Variants in IFT172 observed in about 807,000 individuals in gnomAD.
The protein encoded by IFT172 is intraflagellar transport 172.
In IFT172, 164 loss-of-function variants were observed where a neutral mutation model predicts 248.9. The observed-to-expected ratio is 0.66, with a 90% CI of 0.58 to 0.75. The LOEUF (loss-of-function observed/expected upper bound fraction) is 0.75, where lower values mean the gene tolerates loss of function less well. IFT172 is among the 30% of genes least tolerant of loss of function. IFT172 has a pLI of 0.00. For synonymous variants in IFT172, 729 were observed against 791.6 expected (o/e 0.92, Z 1.33); for missense variants, 1,950 against 2,192.4 (o/e 0.89, Z 2.21).
intron 35 of IFT172, among the ~76,000 whole-genome samples, chr2:27,452,670 A>G (rs1361507091): frequency 2.0e-5 from 3 of 152,226 alleles, no homozygotes; most frequent in East Asian, 1.9e-4. Flanking sequence ...ATAGGCAACC[A>G]TAACACAATG....
At chr2:27,464,566 G>A (rs543904874) in intron 18 of IFT172, among the ~76,000 whole-genome samples, 1 of 151,834 alleles carries the variant, frequency 6.6e-6, no homozygotes, top group Admixed American at 6.6e-5. Flanking sequence ...ATGCTAAAGG[G>A]AACCTAGTTA....
At position 27,453,684 on chromosome 2, in the gene IFT172, T is replaced by C. The variant is rs765703265; in HGVS notation, c.3767A>G (p.Gln1256Arg). Residue 1256 changes from glutamine (Q) to arginine (R), a missense_variant, in exon 34 of 48, where the codon CAG (glutamine) becomes CGG (arginine). Physicochemically the swap from Gln to Arg is conservative, Grantham distance 43. Coordinates refer to ENST00000260570, the MANE Select transcript of IFT172 (RefSeq NM_015662.3). ...ATATTCTTCCTGCAGAGCCTCCAGC[T>C]GGCTGGGCACATAGTCCTTGCAGAT... ...LRICKDYVPS[Q>R]LEALQEEYER... is the part of the protein sequence containing the mutation. The C allele has an allele frequency of 1.6e-5, 25 of 1,612,396 alleles. No homozygotes were observed. Among genetic ancestry groups the C allele is most frequent in the Middle Eastern group, 1.6e-4 (1 of 6,070 alleles).
chr2:27,478,215 A>G, intron 10 of IFT172, 59 bp from the exon 11 acceptor site: 1 of 1,604,202 alleles, frequency 6.2e-7, no homozygotes, highest in Non-Finnish European at 8.5e-7. Context: ...AAGGGTGAAC[A>G]ACCATGACCT....
chr2:27,483,559 A>T, intron 6 of IFT172, 21 bp downstream of exon 6: 1 of 1,611,236 alleles, frequency 6.2e-7, no homozygotes, highest in Non-Finnish European at 8.5e-7. Flanking sequence ...GACTCTAGTG[A>T]TACTACTCCT....
chr2:27,468,230 T>C (rs867999399), intron 16 of IFT172, among the ~76,000 whole-genome samples: 7 of 151,448 alleles, frequency 4.6e-5, no homozygotes, highest in African/African-American at 1.5e-4. Context: ...AAAGAGAAGA[T>C]TTTTTTGTTT....
chr2:27,465,211 C>A (rs930484432), intron 18 of IFT172, 200 bp downstream of exon 18: 5 of 587,840 alleles, frequency 8.5e-6, no homozygotes, highest in African/African-American at 7.5e-5. Context: ...TCAGCCATCA[C>A]GCCTGGTCAA....
intron 25 of IFT172, 29 bp downstream of exon 25, chr2:27,459,349 T>C (rs745760825): frequency 6.2e-6 from 10 of 1,612,600 alleles, no homozygotes; most frequent in Non-Finnish European, 8.5e-6. Flanking sequence ...CTGCATTGCC[T>C]CGTGCTGCGG....
chr2:27,449,895 G>GC (rs1165584858), intron 36 of IFT172, 95 bp from the exon 37 acceptor site: 2 of 1,392,806 alleles, frequency 1.4e-6, no homozygotes, highest in African/African-American at 2.8e-5. Flanking sequence ...TGCAAGCCAT[G>GC]CCCACCAGGA....
Position 27,454,214 on chromosome 2 carries a change from A to G in IFT172, c.3531-52T>C, listed in dbSNP as rs772821905. 2.6e-5 allele frequency: 41 copies of G among 1,600,852 alleles called. 1 individual carries two copies. The highest frequency in any genetic ancestry group is 1.2e-4 in the South Asian group (11 of 90,164). On this transcript the variant is annotated intron_variant, in intron 32 of 47. Coordinates refer to ENST00000260570, the MANE Select transcript of IFT172 (RefSeq NM_015662.3). The surrounding 1 kb of genome is among the most constrained non-coding windows in gnomAD (Gnocchi z 4.2). ...GACTGAGTATAGGACTGAGGCCCCA[A>G]TAGTGGGAGACAAACAGCCATGTCA...
chr2:27,483,809 T>A, intron 5 of IFT172, 63 bp downstream of exon 5: 1 of 1,473,244 alleles, frequency 6.8e-7, no homozygotes, highest in South Asian at 1.1e-5. Flanking sequence ...ATGAACCATA[T>A]TCCTCTCTCC....
rs568736482 is a variant in IFT172 at position 27,479,528 on chromosome 2, G to A, written c.986C>T (p.Thr329Met). 128 of 1,609,474 alleles carry A rather than the reference G, an allele frequency of 8.0e-5. 1 individual carries two copies. In the Middle Eastern group the frequency reaches 1.2e-3, roughly 15 times the overall value. The change falls in exon 10 of 48, where the codon ACG becomes ATG. Residue 329 changes from threonine (T) to methionine (M), a missense_variant. Coordinates refer to ENST00000260570, the MANE Select transcript of IFT172 (RefSeq NM_015662.3). ...GCTTACCTGGCTAGGTCCCACATAC[G>A]TCAACTCAAACTTGTTCTTGTAAAT... ...RSIYKNKFEL[T>M]YVGPSQVIVK... is the part of the protein sequence containing the mutation.
intron 6 of IFT172, 76 bp downstream of exon 6, chr2:27,483,504 G>A (rs1558415154): frequency 4.0e-6 from 6 of 1,508,132 alleles, no homozygotes; most frequent in South Asian, 2.3e-5. Flanking sequence ...TCATACTATG[G>A]TCTTGCAGTC....
chr2:27,472,341 T>A lies in IFT172; in HGVS notation c.1433A>T (p.Asn478Ile), dbSNP rs143491198. ...GCTCTCATGGCTGACGGTGCCAATGTTGTAGCCACCAATCAGATCCACTAT... is the reference window on the plus strand; with the variant it reads ...GCTCTCATGGCTGACGGTGCCAATGATGTAGCCACCAATCAGATCCACTAT... ...IAIVDLIGGY[N>I]IGTVSHESRV... The change falls in exon 15 of 48, where the codon AAC (asparagine) becomes ATC (isoleucine). Residue 478 changes from asparagine to isoleucine, a missense_variant. Around this residue, in one of 3 missense-constraint regions of IFT172, gnomAD observed 1,166 missense variants for 1,254.1 expected, o/e 0.93. Transcript: ENST00000260570. 2,517 of 1,614,050 alleles carry A rather than the reference T, an allele frequency of 1.6e-3. 17 individuals are homozygous for A. The highest frequency in any genetic ancestry group is 0.012 in the South Asian group (1,085 of 91,068).
rs943314515 is a variant in IFT172 at position 27,465,598 on chromosome 2, G to C, written c.1830-80C>G. Reference sequence around the variant, plus strand: ...AGCAGAAGACTGGTGATGGGGCAAGGGGAGGGGGAAGGGCCATCTTTGTCT... The same window carrying C: ...AGCAGAAGACTGGTGATGGGGCAAGCGGAGGGGGAAGGGCCATCTTTGTCT... On this transcript the variant is annotated intron_variant, in intron 17 of 47. Transcript: ENST00000260570. 4 of 1,542,878 alleles carry C rather than the reference G, an allele frequency of 2.6e-6. No individual in the cohort carries two copies. In the African/African-American group the frequency reaches 5.5e-5, roughly 21 times the overall value.
At position 27,444,481 on chromosome 2, in the gene IFT172, A is replaced by G. The variant is rs1664850707; in HGVS notation, c.5201T>C (p.Ile1734Thr). ...SPVCQDVLKF[I>T]SQWCGGLPST... ...GGGGAGCCCTCCACACCACTGACTG[A>G]TGAATTTCAGCACGTCCTGGCACAC... The change falls in exon 48 of 48, where the codon ATC (isoleucine) becomes ACC (threonine). Residue 1734 changes from isoleucine to threonine, a missense_variant. By Grantham distance (89) the Ile-to-Thr change is moderately conservative. Around this residue, in one of 3 missense-constraint regions of IFT172, gnomAD observed 620 missense variants for 699.0 expected, o/e 0.89. Transcript: ENST00000260570. The G allele has an allele frequency of 6.2e-7, 1 of 1,613,668 alleles. No homozygotes were observed. The highest frequency in any genetic ancestry group is 1.3e-5 in the African/African-American group (1 of 74,906).
intron 26 of IFT172, among the ~76,000 whole-genome samples, 156 bp downstream of exon 26, chr2:27,458,623 T>C (rs1666373672): frequency 6.6e-6 from 1 of 152,190 alleles, no homozygotes; most frequent in African/African-American, 2.4e-5. Context: ...TCCCTTCCTT[T>C]CCCTATGGCT....
chr2:27,466,476 A>G (rs945306924), intron 16 of IFT172, among the ~76,000 whole-genome samples: 13 of 152,222 alleles, frequency 8.5e-5, no homozygotes, highest in Non-Finnish European at 1.9e-4. Context: ...ACTCTTTAGT[A>G]AAGGGAACAA....
At chr2:27,484,842 T>C (rs1668641154) in intron 3 of IFT172, among the ~76,000 whole-genome samples, 176 bp downstream of exon 3, 1 of 152,146 alleles carries the variant, frequency 6.6e-6, no homozygotes, top group Non-Finnish European at 1.5e-5. Flanking sequence ...AGGGATGGGA[T>C]TGAAGAACAC....
At chr2:27,449,881 G>T in intron 36 of IFT172, 81 bp from the exon 37 acceptor site, 1 of 1,423,722 alleles carries the variant, frequency 7.0e-7, no homozygotes, top group Non-Finnish European at 9.8e-7. Flanking sequence ...TGTTTCCCCA[G>T]GACTGCAAGC....
Sources: gnomAD v4.1 joint callset for allele counts (sites outside exome capture counted in the v4.1 genomes callset) on GRCh38, gnomAD v4.1.1 for gene constraint, gnomAD v4.1.1 regional missense constraint, Gnocchi (gnomAD v3.1) non-coding constraint, MANE v1.5 for transcripts, NCBI Gene and HGNC (gene_info 2026-07-23, HGNC 2026-07-21) for gene names.